The following SPMIP2 variants were observed in gnomAD, a reference collection of about 807,000 sequenced individuals.
SPMIP2 encodes sperm microtubule inner protein 2, also known as protein SPMIP2.
the SPMIP2 span, among the ~76,000 whole-genome samples, chr4:158,985,737 CCT>C: frequency 0.054 from 8,212 of 151,982 alleles, 720 homozygotes; most frequent in African/African-American, 0.19. Flanking sequence ...ACAGGGATGC[CCT>C]CTCTCACCAC....
At chr4:159,049,724 C>T in the SPMIP2 span, among the ~76,000 whole-genome samples, 2 of 152,062 alleles carry the variant, frequency 1.3e-5, no homozygotes, top group South Asian at 2.1e-4. Context: ...TTTTATGATT[C>T]GTTAAGAATA....
chr4:159,075,738 A>G, the SPMIP2 span, among the ~76,000 whole-genome samples: 441 of 152,276 alleles, frequency 2.9e-3, 2 homozygotes, highest in Middle Eastern at 0.014. Context: ...ATCCAATTAA[A>G]ATAGTGATGC....
chr4:158,967,514 C>T, the SPMIP2 span, among the ~76,000 whole-genome samples: 544 of 152,256 alleles, frequency 3.6e-3, 8 homozygotes, highest in Non-Finnish European at 5.6e-3. Flanking sequence ...AGAACAGCAG[C>T]CCTCCAAAGA....
At chr4:158,945,557 CTCTT>C in the SPMIP2 span, among the ~76,000 whole-genome samples, 1 of 152,182 alleles carries the variant, frequency 6.6e-6, no homozygotes, top group African/African-American at 2.4e-5. Context: ...AACAACTACT[CTCTT>C]TCTATTAATA....
the SPMIP2 span, among the ~76,000 whole-genome samples, chr4:159,074,549 C>G: frequency 6.6e-6 from 1 of 152,082 alleles, no homozygotes; most frequent in Non-Finnish European, 1.5e-5. Flanking sequence ...GTACAGAATT[C>G]TTATTAGTCT....
chr4:158,948,934 T>C, the SPMIP2 span, among the ~76,000 whole-genome samples: 1 of 152,170 alleles, frequency 6.6e-6, no homozygotes, highest in African/African-American at 2.4e-5. Context: ...TGGAAATTTA[T>C]TATTCTCTTC....
chr4:159,029,298 G>A, the SPMIP2 span, among the ~76,000 whole-genome samples: 3 of 152,064 alleles, frequency 2.0e-5, no homozygotes, highest in African/African-American at 2.4e-5. Context: ...GATTGTGGGA[G>A]GATTGACTGG....
chr4:158,958,270 G>C, the SPMIP2 span, among the ~76,000 whole-genome samples: 4 of 152,282 alleles, frequency 2.6e-5, no homozygotes, highest in East Asian at 1.9e-4. Context: ...GAATAGCGGA[G>C]ACAGGCACAG....
chr4:158,974,851 A>C, the SPMIP2 span, among the ~76,000 whole-genome samples: 1 of 152,148 alleles, frequency 6.6e-6, no homozygotes, highest in Non-Finnish European at 1.5e-5. Flanking sequence ...GTCAAATGGT[A>C]TTTCCAGTTC....
chr4:158,980,212 G>T, the SPMIP2 span, among the ~76,000 whole-genome samples: 2 of 152,064 alleles, frequency 1.3e-5, no homozygotes, highest in Admixed American at 6.6e-5. Context: ...CAGTCAGGGG[G>T]TTATAGATAA....
the SPMIP2 span, among the ~76,000 whole-genome samples, chr4:159,010,247 G>A: frequency 3.3e-5 from 5 of 152,282 alleles, no homozygotes; most frequent in South Asian, 2.1e-4. Context: ...AGGGAGCTTT[G>A]GATAGGTGCA....
the SPMIP2 span, among the ~76,000 whole-genome samples, chr4:158,948,206 C>A: frequency 1.3e-5 from 2 of 152,108 alleles, no homozygotes; most frequent in Non-Finnish European, 2.9e-5. Flanking sequence ...TGCCCGTCAC[C>A]CTTGTTGGGT....
chr4:158,988,112 AGC>A, the SPMIP2 span, among the ~76,000 whole-genome samples: 1 of 152,182 alleles, frequency 6.6e-6, no homozygotes, highest in Non-Finnish European at 1.5e-5. Flanking sequence ...TACTATAAAC[AGC>A]TGTACGCAAA....
chr4:159,006,623 G>T, the SPMIP2 span, among the ~76,000 whole-genome samples: 3 of 152,280 alleles, frequency 2.0e-5, no homozygotes, highest in African/African-American at 4.8e-5. Flanking sequence ...TGCTGAACAT[G>T]AAGAAGCTGA....
chr4:159,014,643 TAA>T, the SPMIP2 span, among the ~76,000 whole-genome samples: 1 of 152,176 alleles, frequency 6.6e-6, no homozygotes, highest in Admixed American at 6.5e-5. Flanking sequence ...GCCACTAGCC[TAA>T]AAGTCTGCAT....
the SPMIP2 span, among the ~76,000 whole-genome samples, chr4:159,056,161 T>C: frequency 6.6e-6 from 1 of 152,340 alleles, no homozygotes; most frequent in Admixed American, 6.5e-5. Context: ...ATATAAATAA[T>C]AGATGGAATG....
chr4:158,952,444 C>A, the SPMIP2 span, among the ~76,000 whole-genome samples: 1 of 152,094 alleles, frequency 6.6e-6, no homozygotes, highest in Non-Finnish European at 1.5e-5. Flanking sequence ...TTTCTCTTGC[C>A]ACCACCATAT....
chr4:159,058,139 C>T, the SPMIP2 span, among the ~76,000 whole-genome samples: 1 of 96,880 alleles, frequency 1.0e-5, no homozygotes, highest in East Asian at 3.0e-4. Context: ...GATTATCAGG[C>T]GTGAGCCGCT....
the SPMIP2 span, among the ~76,000 whole-genome samples, chr4:159,008,103 T>A: frequency 1.3e-5 from 2 of 151,930 alleles, no homozygotes; most frequent in Admixed American, 6.6e-5. Context: ...ACAAAATTTT[T>A]AAAAAGAAAT....
Sources: allele counts gnomAD v4.1 joint callset (sites outside exome capture counted in the v4.1 genomes callset), GRCh38; gene constraint gnomAD v4.1.1; transcripts MANE v1.5; gene names NCBI Gene and HGNC (gene_info 2026-07-23, HGNC 2026-07-21).